The following ADAMTSL1 variants were observed in gnomAD, a reference collection of about 807,000 sequenced individuals.
The protein encoded by ADAMTSL1 is ADAMTS like 1.
A neutral mutation model predicts 201.8 loss-of-function variants in ADAMTSL1; 126 were observed. The observed-to-expected ratio is 0.62, with a 90% CI of 0.54 to 0.72. The LOEUF (loss-of-function observed/expected upper bound fraction) is 0.72, where lower values mean the gene tolerates loss of function less well. Among genes scored for constraint, ADAMTSL1 ranks in the 30% least tolerant of loss-of-function variants. The pLI, the probability that ADAMTSL1 is intolerant of heterozygous loss-of-function variation, is 0.00. For missense variants in ADAMTSL1, 2,679 were observed against 2,277.8 expected, an observed-to-expected ratio of 1.18 and a Z score of -3.59; for synonymous variants, 1,121 against 903.4, an observed-to-expected ratio of 1.24 and a Z score of -4.32.
intron 2 of ADAMTSL1, among the ~76,000 whole-genome samples, chr9:18,232,849 CA>C (rs1482699336): frequency 6.6e-6 from 1 of 152,112 alleles, no homozygotes; most frequent in Non-Finnish European, 1.5e-5. Context: ...TGGTTATGAA[CA>C]ACAAACTACT....
At chr9:18,844,070 G>C (rs4977263) in intron 23 of ADAMTSL1, among the ~76,000 whole-genome samples, 130,939 of 152,218 alleles carry the variant, frequency 0.86, 56,451 homozygotes, top group East Asian at 0.93. Flanking sequence ...TTGTTCCATT[G>C]CTGGTGAGGA....
intron 20 of ADAMTSL1, among the ~76,000 whole-genome samples, chr9:18,807,216 T>C (rs1823189807): frequency 6.6e-6 from 1 of 152,250 alleles, no homozygotes; most frequent in Admixed American, 6.5e-5. Flanking sequence ...TCTGTTTGTA[T>C]GGCTCTCATT....
chr9:18,278,411 C>G (rs2132615678), intron 2 of ADAMTSL1, among the ~76,000 whole-genome samples: 2 of 152,252 alleles, frequency 1.3e-5, no homozygotes, highest in South Asian at 4.1e-4. Context: ...AAAGAATAGC[C>G]TTGCCTGGTA....
At chr9:18,645,278 C>T (rs981435257) in intron 7 of ADAMTSL1, among the ~76,000 whole-genome samples, 2 of 152,128 alleles carry the variant, frequency 1.3e-5, no homozygotes, top group African/African-American at 4.8e-5. Context: ...ATTGTAGATT[C>T]TGGATATTAG....
intron 2 of ADAMTSL1, among the ~76,000 whole-genome samples, chr9:18,301,491 A>G (rs1638452706): frequency 6.6e-6 from 1 of 152,182 alleles, no homozygotes; most frequent in Non-Finnish European, 1.5e-5. Flanking sequence ...TACATGCCTA[A>G]TAACATTTAA....
chr9:18,525,027 T>C (rs1320591563), intron 2 of ADAMTSL1, among the ~76,000 whole-genome samples: 3 of 152,222 alleles, frequency 2.0e-5, no homozygotes, highest in Admixed American at 6.5e-5. Context: ...TACCAGCTCC[T>C]CCTTGTACAT....
chr9:18,589,953 T>C (rs1008484778), intron 4 of ADAMTSL1, among the ~76,000 whole-genome samples: 1 of 152,210 alleles, frequency 6.6e-6, no homozygotes, highest in Non-Finnish European at 1.5e-5. Context: ...AATGTATTGT[T>C]GAATTCTGTT....
At chr9:18,685,924 A>AT (rs571372281) in intron 13 of ADAMTSL1, among the ~76,000 whole-genome samples, 4,511 of 145,212 alleles carry the variant, frequency 0.031, 84 homozygotes, top group Non-Finnish European at 0.045. Flanking sequence ...TTTTTTCCCT[A>AT]TTTTTTTTTT....
At chr9:18,449,852 G>A (rs947124930) in intron 2 of ADAMTSL1, among the ~76,000 whole-genome samples, 1 of 152,154 alleles carries the variant, frequency 6.6e-6, no homozygotes, top group Non-Finnish European at 1.5e-5. Flanking sequence ...CTAGTGGAAT[G>A]GCTGGCATTT....
chr9:18,390,825 C>G (rs537700346), intron 2 of ADAMTSL1, among the ~76,000 whole-genome samples: 1 of 152,204 alleles, frequency 6.6e-6, no homozygotes, highest in East Asian at 1.9e-4. Context: ...AACACCACCT[C>G]AAAACACTGA....
chr9:18,586,353 A>G (rs1458581099), intron 4 of ADAMTSL1, among the ~76,000 whole-genome samples: 1 of 152,198 alleles, frequency 6.6e-6, no homozygotes, highest in Non-Finnish European at 1.5e-5. Flanking sequence ...CCACAAAAAG[A>G]ATAAAATATC....
intron 3 of ADAMTSL1, among the ~76,000 whole-genome samples, chr9:18,548,160 T>C (rs557680383): frequency 1.6e-4 from 24 of 152,142 alleles, no homozygotes; most frequent in South Asian, 6.2e-4. Context: ...TCAACACTTA[T>C]GGCACATTTG....
At chr9:18,029,555 A>T (rs1158850767) in intron 1 of ADAMTSL1, among the ~76,000 whole-genome samples, 1 of 152,172 alleles carries the variant, frequency 6.6e-6, no homozygotes, top group African/African-American at 2.4e-5. Flanking sequence ...ATGGGATCTC[A>T]TTAAACTAAA....
chr9:18,466,751 A>T (rs1207424942), intron 2 of ADAMTSL1, among the ~76,000 whole-genome samples: 2 of 152,148 alleles, frequency 1.3e-5, no homozygotes, highest in Non-Finnish European at 2.9e-5. Flanking sequence ...TATAATTATG[A>T]TATGAGATAA....
At chr9:18,285,303 T>C (rs1832951057) in intron 2 of ADAMTSL1, among the ~76,000 whole-genome samples, 1 of 152,170 alleles carries the variant, frequency 6.6e-6, no homozygotes, top group Admixed American at 6.5e-5. Context: ...CTGAATACTT[T>C]ATATGTTATC....
chr9:18,113,197 G>A (rs1008145298), intron 1 of ADAMTSL1, among the ~76,000 whole-genome samples: 1 of 152,088 alleles, frequency 6.6e-6, no homozygotes, highest in African/African-American at 2.4e-5. Context: ...GAAGGACAAT[G>A]AGTAAGTCCA....
At chr9:18,277,335 G>T (rs1347044376) in intron 2 of ADAMTSL1, among the ~76,000 whole-genome samples, 2 of 152,072 alleles carry the variant, frequency 1.3e-5, no homozygotes, top group African/African-American at 4.8e-5. Flanking sequence ...TATTTAACAT[G>T]CCATGTTAAA....
At chr9:18,609,630 A>C (rs1451405956) in intron 4 of ADAMTSL1, among the ~76,000 whole-genome samples, 1 of 152,138 alleles carries the variant, frequency 6.6e-6, no homozygotes, top group Non-Finnish European at 1.5e-5. Context: ...AGGTTCCCAG[A>C]TCCCTAAGGC....
intron 1 of ADAMTSL1, among the ~76,000 whole-genome samples, chr9:18,105,507 A>G (rs941860707): frequency 2.6e-5 from 4 of 152,188 alleles, no homozygotes; most frequent in African/African-American, 7.2e-5. Flanking sequence ...CCCTTATTTT[A>G]TAAGATACCA....
Sources: allele counts gnomAD v4.1 joint callset (sites outside exome capture counted in the v4.1 genomes callset), GRCh38; gene constraint gnomAD v4.1.1; transcripts MANE v1.5; gene names NCBI Gene and HGNC (gene_info 2026-07-23, HGNC 2026-07-21).